The following FBXL17 variants were observed in gnomAD, a reference collection of about 807,000 sequenced individuals.
FBXL17 encodes the protein F-box/LRR-repeat protein 17.
In FBXL17, 22 loss-of-function variants were observed where a neutral mutation model predicts 66.2. The ratio of observed to expected loss-of-function variants is 0.33; its 90% CI spans 0.24 to 0.47. The LOEUF (loss-of-function observed/expected upper bound fraction) is 0.47. Ranked by LOEUF, FBXL17 falls within the 20% of genes least tolerant of loss-of-function variation. The pLI is 1.00. For missense variants in FBXL17, 878 were observed against 948.2 expected (o/e 0.93, Z 0.97); for synonymous variants, 474 against 400.5 (o/e 1.18, Z -2.19).
chr5:108,131,495 A>G (rs867852184), intron 6 of FBXL17, among the ~76,000 whole-genome samples: 8 of 152,274 alleles, frequency 5.3e-5, no homozygotes, highest in Middle Eastern at 6.8e-3. Flanking sequence ...TAATAATGAG[A>G]ACCTACACCT....
In FBXL17 at chr5:107,900,469, G is replaced by A. The variant is rs199652093; in HGVS notation, c.1823-19290C>T. On this transcript the variant is annotated intron_variant, in intron 7 of 8. Coordinates refer to ENST00000542267, the MANE Select transcript of FBXL17 (RefSeq NM_001163315.3). Reference sequence around the variant, plus strand: ...TTAAGAAATGCAATTTATCCTTGGTGATAATAGCTTTGAAGGTTAAAAGGC... The same window carrying A: ...TTAAGAAATGCAATTTATCCTTGGTAATAATAGCTTTGAAGGTTAAAAGGC... Among the ~76,000 whole-genome samples, 99 of 152,260 alleles carry A rather than the reference G, an allele frequency of 6.5e-4. 1 individual carries two copies. The East Asian group carries it at 0.011, about 17-fold the overall frequency.
chr5:107,939,354 C>T (rs1023990825), intron 7 of FBXL17, among the ~76,000 whole-genome samples: 2 of 151,958 alleles, frequency 1.3e-5, no homozygotes, highest in African/African-American at 2.4e-5. Context: ...CTGGGGCACG[C>T]AACATGAGAA....
At chr5:108,176,215 T>C (rs888249670) in intron 6 of FBXL17, among the ~76,000 whole-genome samples, 2 of 152,180 alleles carry the variant, frequency 1.3e-5, no homozygotes, top group Non-Finnish European at 2.9e-5. Flanking sequence ...TTCATCATCA[T>C]ATAAAATGTA....
chr5:108,201,614 T>C (rs544668178), intron 5 of FBXL17, among the ~76,000 whole-genome samples: 38 of 152,090 alleles, frequency 2.5e-4, no homozygotes, highest in Non-Finnish European at 4.7e-4. Flanking sequence ...ATAAATGAGA[T>C]ATGCTTATTT....
intron 4 of FBXL17, among the ~76,000 whole-genome samples, chr5:108,230,761 A>G (rs1755300080): frequency 6.7e-6 from 1 of 149,794 alleles, no homozygotes. Flanking sequence ...TAAAGGCATA[A>G]GAATGATAGA....
intron 4 of FBXL17, among the ~76,000 whole-genome samples, chr5:108,270,415 A>C (rs2150136671): frequency 6.8e-6 from 1 of 147,168 alleles, no homozygotes; most frequent in East Asian, 2.0e-4. Flanking sequence ...TAACTATATG[A>C]ATCATATTTT....
chr5:108,331,070 A>G (rs1387026402), intron 4 of FBXL17, among the ~76,000 whole-genome samples: 1 of 152,162 alleles, frequency 6.6e-6, no homozygotes, highest in African/African-American at 2.4e-5. Context: ...AATGTATTCT[A>G]TATCCTACAA....
At chr5:108,134,181 A>G (rs1304818726) in intron 6 of FBXL17, among the ~76,000 whole-genome samples, 1 of 152,174 alleles carries the variant, frequency 6.6e-6, no homozygotes, top group African/African-American at 2.4e-5. Context: ...AAAGACCACA[A>G]TATTCCACTA....
intron 4 of FBXL17, among the ~76,000 whole-genome samples, chr5:108,246,353 A>T (rs2150107903): frequency 6.6e-6 from 1 of 152,080 alleles, no homozygotes; most frequent in East Asian, 1.9e-4. Flanking sequence ...ATAAGTAAAT[A>T]AGCAGGCAAG....
chr5:107,879,631 A>G (rs1236787621), intron 8 of FBXL17: 28 of 985,300 alleles, frequency 2.8e-5, no homozygotes, highest in Non-Finnish European at 3.4e-5. Context: ...AGGACACAAG[A>G]GCTTTGGGCC....
chr5:107,936,270 TTATA>T (rs1436999904), intron 7 of FBXL17, among the ~76,000 whole-genome samples: 1 of 152,122 alleles, frequency 6.6e-6, no homozygotes, highest in African/African-American at 2.4e-5. Context: ...TCTTCAAAGT[TTATA>T]TAACTGTTTT....
chr5:108,064,867 C>G (rs1336972879), intron 6 of FBXL17, among the ~76,000 whole-genome samples: 1 of 152,004 alleles, frequency 6.6e-6, no homozygotes, highest in Non-Finnish European at 1.5e-5. Flanking sequence ...TCTGGGACGG[C>G]CTTCCTGCAG....
At chr5:108,073,748 T>C (rs550531450) in intron 6 of FBXL17, among the ~76,000 whole-genome samples, 4 of 152,228 alleles carry the variant, frequency 2.6e-5, no homozygotes, top group Admixed American at 2.0e-4. Flanking sequence ...ACAAGATCTA[T>C]TGTTTAAAAG....
intron 6 of FBXL17, among the ~76,000 whole-genome samples, chr5:108,028,457 G>C (rs1207827383): frequency 6.6e-6 from 1 of 152,110 alleles, no homozygotes; most frequent in Admixed American, 6.6e-5. Flanking sequence ...AAATGGCTAA[G>C]ACTAAATTAT....
intron 4 of FBXL17, among the ~76,000 whole-genome samples, chr5:108,284,907 T>C (rs1005758547): frequency 2.0e-5 from 3 of 151,864 alleles, no homozygotes; most frequent in African/African-American, 7.2e-5. Context: ...GAAAGATTTC[T>C]CTGTAGCATG....
Position 108,381,302 on chromosome 5 carries a change from A to AGCAGCG in FBXL17, c.389_390insCGCTGC (p.Ala131_Ala132dup). ...AGGCGGGCGACGAAGCCGAGGCGGC[A>AGCAGCG]GCGGCGGCGGCGGCGGCGGCCGAGG... On this transcript the variant is annotated inframe_insertion, in exon 1 of 9. Coordinates refer to ENST00000542267, the MANE Select transcript of FBXL17 (RefSeq NM_001163315.3). 7.1e-7 allele frequency: 1 copy of AGCAGCG among 1,401,040 alleles called. No individual in the cohort carries two copies. 86.8% of individuals were successfully genotyped at this position (1,401,040 alleles called of 1,614,324 possible).
At position 107,920,441 on chromosome 5, in the gene FBXL17, C is replaced by T. The variant is rs560120387; in HGVS notation, c.1823-39262G>A. On this transcript the variant is annotated intron_variant, in intron 7 of 8. Coordinates refer to ENST00000542267, the MANE Select transcript of FBXL17 (RefSeq NM_001163315.3). The stretch of plus-strand genomic sequence containing the variant: ...GATGTGAATCTTAGTATAGGAATTC[C>T]GAATCTTAGTAGCACACTGCCTTTG... Among the ~76,000 whole-genome samples, 5 of 152,122 alleles carry T rather than the reference C, an allele frequency of 3.3e-5. No homozygotes were observed. The East Asian group carries it at 9.7e-4, about 29-fold the overall frequency.
At chr5:108,098,139 A>G (rs1323039250) in intron 6 of FBXL17, among the ~76,000 whole-genome samples, 1 of 152,172 alleles carries the variant, frequency 6.6e-6, no homozygotes, top group Non-Finnish European at 1.5e-5. Context: ...TTCAATAAAT[A>G]TCTGATGATC....
intron 6 of FBXL17, among the ~76,000 whole-genome samples, chr5:108,027,902 A>C (rs1452949910): frequency 6.6e-6 from 1 of 152,136 alleles, no homozygotes; most frequent in East Asian, 1.9e-4. Flanking sequence ...AACCTCCTCC[A>C]TCTTTTAAGG....
Sources: allele counts gnomAD v4.1 joint callset (sites outside exome capture counted in the v4.1 genomes callset), GRCh38; gene constraint gnomAD v4.1.1; transcripts MANE v1.5; gene names NCBI Gene and HGNC (gene_info 2026-07-23, HGNC 2026-07-21).